The following PXDNL variants were observed in gnomAD, a reference collection of about 807,000 sequenced individuals.
PXDNL encodes the protein peroxidasin like.
PXDNL carries 145 observed loss-of-function variants against 150.8 expected under a neutral mutation model. That is an observed-to-expected ratio of 0.96 (90% CI 0.84 to 1.10). The LOEUF (loss-of-function observed/expected upper bound fraction) is 1.10, where lower values mean the gene tolerates loss of function less well. Among genes scored for constraint, PXDNL ranks in the 50% least tolerant of loss-of-function variants. PXDNL has a pLI of 0.00. For missense variants in PXDNL, 2,087 were observed against 1,873.9 expected (o/e 1.11, Z -2.10); for synonymous variants, 757 against 725.7 (o/e 1.04, Z -0.69).
intron 4 of PXDNL, among the ~76,000 whole-genome samples, chr8:51,527,055 G>T (rs138877097): frequency 2.1e-4 from 32 of 152,184 alleles, no homozygotes; most frequent in African/African-American, 7.2e-4. Flanking sequence ...CACTGCAAGG[G>T]TCTTCAATTT....
chr8:51,628,240 CTG>C (rs1162618906), intron 2 of PXDNL, among the ~76,000 whole-genome samples: 4 of 151,972 alleles, frequency 2.6e-5, no homozygotes, highest in Non-Finnish European at 4.4e-5. Flanking sequence ...AAAGTAAAGA[CTG>C]AGACAGAGTT....
chr8:51,398,461 G>A (rs1808154682), intron 17 of PXDNL, among the ~76,000 whole-genome samples: 1 of 152,208 alleles, frequency 6.6e-6, no homozygotes. Flanking sequence ...TCAGAACACG[G>A]TGATGGCTGT....
intron 17 of PXDNL, among the ~76,000 whole-genome samples, chr8:51,380,919 G>A (rs1218230869): frequency 1.3e-5 from 2 of 151,852 alleles, no homozygotes; most frequent in African/African-American, 2.4e-5. Flanking sequence ...ATCGGCTTAT[G>A]TCCTAAATTA....
intron 16 of PXDNL, 70 bp downstream of exon 16, chr8:51,411,180 T>G: frequency 8.1e-7 from 1 of 1,232,652 alleles, no homozygotes; most frequent in East Asian, 3.0e-5. Flanking sequence ...AAGTTCAGTG[T>G]CCTTTGCTAA....
At chr8:51,355,509 C>T (rs1311128664) in intron 19 of PXDNL, among the ~76,000 whole-genome samples, 2 of 152,126 alleles carry the variant, frequency 1.3e-5, no homozygotes, top group East Asian at 1.9e-4. Flanking sequence ...TTTATTTAAT[C>T]GAGTGGTATA....
intron 2 of PXDNL, among the ~76,000 whole-genome samples, chr8:51,602,761 G>A (rs1186971745): frequency 1.3e-5 from 2 of 151,076 alleles, no homozygotes; most frequent in Admixed American, 6.6e-5. Flanking sequence ...AAAATTAAAC[G>A]TTTGTTTATG....
intron 2 of PXDNL, among the ~76,000 whole-genome samples, chr8:51,606,990 C>G (rs1332285671): frequency 1.3e-5 from 2 of 152,140 alleles, no homozygotes; most frequent in East Asian, 3.9e-4. Context: ...CCCTATAACC[C>G]AGGAAGAACT....
At chr8:51,571,219 G>C (rs1279218596) in intron 3 of PXDNL, among the ~76,000 whole-genome samples, 1 of 151,530 alleles carries the variant, frequency 6.6e-6, no homozygotes, top group Non-Finnish European at 1.5e-5. Flanking sequence ...ATTTATGTTT[G>C]TTCTACAACA....
At chr8:51,375,439 A>C (rs1433491663) in intron 17 of PXDNL, among the ~76,000 whole-genome samples, 4 of 152,202 alleles carry the variant, frequency 2.6e-5, no homozygotes, top group Admixed American at 2.6e-4. Flanking sequence ...CGTGACACCA[A>C]CTTAACTTGT....
rs142006893 is a variant in PXDNL, at chr8:51,746,610, T to C, written c.164+62571A>G. Among the ~76,000 whole-genome samples the C allele has an allele frequency of 1.2e-3, 185 of 152,312 alleles. 2 individuals carry two copies. Among genetic ancestry groups the C allele is most frequent in the African/African-American group, 4.2e-3 (174 of 41,566 alleles). On this transcript the variant is annotated intron_variant, in intron 1 of 22. Transcript: ENST00000356297. Reference sequence around the variant, plus strand: ...TCAAAAGCTTGTTACACATGTAGCGTTTATCTCGGGGCTGTGGTATTAAGG... The same window carrying C: ...TCAAAAGCTTGTTACACATGTAGCGCTTATCTCGGGGCTGTGGTATTAAGG...
intron 4 of PXDNL, among the ~76,000 whole-genome samples, chr8:51,533,616 GC>G (rs1189882085): frequency 6.7e-6 from 1 of 149,694 alleles, no homozygotes; most frequent in Non-Finnish European, 1.5e-5. Context: ...GCCTCAGCCT[GC>G]CGAGTGCCTG....
intron 1 of PXDNL, among the ~76,000 whole-genome samples, chr8:51,667,452 C>A (rs1243227524): frequency 1.3e-5 from 2 of 152,220 alleles, no homozygotes; most frequent in African/African-American, 4.8e-5. Flanking sequence ...GAAAACTGCA[C>A]AAAATGTATT....
At chr8:51,493,117 T>G (rs1001969261) in intron 5 of PXDNL, among the ~76,000 whole-genome samples, 4 of 152,180 alleles carry the variant, frequency 2.6e-5, no homozygotes, top group African/African-American at 9.6e-5. Context: ...CAACATTTGC[T>G]GCTCACCAAT....
chr8:51,412,478 G>A (rs1402131332), intron 15 of PXDNL, among the ~76,000 whole-genome samples: 3 of 152,184 alleles, frequency 2.0e-5, no homozygotes, highest in East Asian at 1.9e-4. Context: ...AATCTAAATC[G>A]GCTGCGTGGT....
intron 5 of PXDNL, among the ~76,000 whole-genome samples, chr8:51,493,914 C>A (rs185813544): frequency 6.6e-5 from 10 of 152,116 alleles, no homozygotes; most frequent in Admixed American, 4.6e-4. Flanking sequence ...CATTCAAATT[C>A]AGGAAATACA....
chr8:51,735,162 T>C (rs1312847794), intron 1 of PXDNL, among the ~76,000 whole-genome samples: 2 of 152,224 alleles, frequency 1.3e-5, no homozygotes, highest in Non-Finnish European at 2.9e-5. Flanking sequence ...CATAAATATA[T>C]ACAATTTTTG....
chr8:51,332,490 C>T lies in PXDNL; in HGVS notation c.4146+7134G>A, dbSNP rs115408517. The stretch of plus-strand genomic sequence containing the variant: ...AAACCAAGAAGAAATCCCTGACTTA[C>T]GAGAAAAAGAATTCAGGAGGTTATT... On this transcript the variant is annotated intron_variant, in intron 21 of 22. Coordinates refer to ENST00000356297, the MANE Select transcript of PXDNL (RefSeq NM_144651.5). Among the ~76,000 whole-genome samples the T allele has an allele frequency of 3.7e-3, 551 of 150,860 alleles. 2 individuals carry two copies. The highest frequency in any genetic ancestry group is 0.013 in the African/African-American group (518 of 41,048).
intron 3 of PXDNL, among the ~76,000 whole-genome samples, chr8:51,565,124 A>T (rs753922549): frequency 1.3e-4 from 19 of 151,746 alleles, no homozygotes; most frequent in Non-Finnish European, 2.4e-4. Context: ...CCAAAATCCA[A>T]AACTTTTTAA....
chr8:51,763,076 C>A (rs1484001717), intron 1 of PXDNL, among the ~76,000 whole-genome samples: 1 of 152,158 alleles, frequency 6.6e-6, no homozygotes, highest in East Asian at 1.9e-4. Flanking sequence ...AACTCCATAT[C>A]CATTAGCAGT....
Sources: gnomAD v4.1 joint callset for allele counts (sites outside exome capture counted in the v4.1 genomes callset) on GRCh38, gnomAD v4.1.1 for gene constraint, MANE v1.5 for transcripts, NCBI Gene and HGNC (gene_info 2026-07-23, HGNC 2026-07-21) for gene names.